The following NDC1 variants were observed in gnomAD, a reference collection of about 807,000 sequenced individuals.
The protein encoded by NDC1 is NDC1 transmembrane nucleoporin.
In NDC1, 24 loss-of-function variants were observed where a neutral mutation model predicts 89.8. The ratio of observed to expected loss-of-function variants is 0.27; its 90% CI spans 0.19 to 0.38. The LOEUF is 0.38. NDC1 is among the 10% of genes least tolerant of loss of function. The pLI is 1.00. For missense variants in NDC1, 728 were observed against 797.6 expected (o/e 0.91, Z 1.05); for synonymous variants, 296 against 284.8 (o/e 1.04, Z -0.39).
Position 53,789,188 on chromosome 1 carries a change from C to T in NDC1, c.1644G>A (p.Glu548=), listed in dbSNP as rs147077553. 2.9e-5 allele frequency: 46 copies of T among 1,606,164 alleles called. No homozygotes were observed. In the African/African-American group the frequency reaches 5.2e-4, roughly 18 times the overall value. ...LIMYFFSKHP[E]ASIQAVFSDA... ...CTGAAAAAACAGCCTGAATGGAGGCCTCTGGGTGCTACAAATAAAAACAAA... is the reference window on the plus strand; with the variant it reads ...CTGAAAAAACAGCCTGAATGGAGGCTTCTGGGTGCTACAAATAAAAACAAA... The change falls in exon 15 of 18, where the codon GAG becomes GAA. Residue 548 remains glutamate (E), a synonymous_variant. Coordinates refer to ENST00000371429, the MANE Select transcript of NDC1 (RefSeq NM_018087.5).
chr1:53,788,064 T>C (rs1023959604), intron 15 of NDC1, among the ~76,000 whole-genome samples: 1 of 152,038 alleles, frequency 6.6e-6, no homozygotes, highest in African/African-American at 2.4e-5. Flanking sequence ...TTTTTTGAAG[T>C]AGAGAAAGAT....
intron 11 of NDC1, among the ~76,000 whole-genome samples, chr1:53,798,551 CT>C (rs377090464): frequency 2.5e-3 from 344 of 138,546 alleles, no homozygotes; most frequent in African/African-American, 5.0e-3. Flanking sequence ...TATGACTTTT[CT>C]TTTTTTTTTT....
intron 10 of NDC1, 105 bp downstream of exon 10, chr1:53,803,823 G>A (rs1225733913): frequency 1.3e-5 from 10 of 795,598 alleles, no homozygotes; most frequent in African/African-American, 8.6e-5. Flanking sequence ...CGCCTGCCTC[G>A]GCCTCCCAAA....
rs1024059684 is a variant in NDC1 at position 53,766,550 on chromosome 1, T to C, written c.*1420A>G. 5 of 152,188 alleles carry C rather than the reference T, an allele frequency of 3.3e-5. No individual in the cohort carries two copies. Among genetic ancestry groups the C allele is most frequent in the African/African-American group, 9.7e-5 (4 of 41,448 alleles). 9.4% of individuals were successfully genotyped at this position (152,188 alleles called of 1,614,324 possible). A position where few individuals can be genotyped will look rare whatever the true frequency, so the allele number is the denominator to read the frequency against. ...GGCAATAGTCTACATATCTAAACACTTGACAATTGGGGAACTGTCCCACAG... is the reference window on the plus strand; with the variant it reads ...GGCAATAGTCTACATATCTAAACACCTGACAATTGGGGAACTGTCCCACAG... On this transcript the variant is annotated 3_prime_UTR_variant, in exon 18 of 18. Transcript: ENST00000371429.
chr1:53,832,924 A>T (rs543188389), intron 2 of NDC1, among the ~76,000 whole-genome samples: 2 of 152,224 alleles, frequency 1.3e-5, no homozygotes, highest in Non-Finnish European at 2.9e-5. Flanking sequence ...AAGTGGGAAG[A>T]TCACTTGAGC....
At chr1:53,786,921 C>G (rs1401645782) in intron 16 of NDC1, among the ~76,000 whole-genome samples, 1 of 152,170 alleles carries the variant, frequency 6.6e-6, no homozygotes, top group African/African-American at 2.4e-5. Context: ...ATCTCAAACT[C>G]TCCACCTCAA....
At position 53,830,350 on chromosome 1, in the gene NDC1, C is replaced by T. The variant is rs556590952; in HGVS notation, c.280+2140G>A. 8.0e-5 allele frequency among the ~76,000 whole-genome samples: 12 copies of T among 149,670 alleles called. No individual in the cohort carries two copies. In the East Asian group the frequency reaches 1.6e-3, roughly 20 times the overall value. ...ACGCCTGTAATCCCAGCTACTCAGGCGGCTGAGGCAGGAGAATTGCTTGCA... is the reference window on the plus strand; with the variant it reads ...ACGCCTGTAATCCCAGCTACTCAGGTGGCTGAGGCAGGAGAATTGCTTGCA... On this transcript the variant is annotated intron_variant, in intron 3 of 17. Transcript: ENST00000371429.
At chr1:53,785,735 G>A (rs1432406763) in intron 16 of NDC1, among the ~76,000 whole-genome samples, 1 of 151,750 alleles carries the variant, frequency 6.6e-6, no homozygotes, top group African/African-American at 2.4e-5. Flanking sequence ...ACCACACCTC[G>A]CTAATTTTTT....
intron 11 of NDC1, among the ~76,000 whole-genome samples, 200 bp from the exon 12 acceptor site, chr1:53,797,344 T>A (rs765358300): frequency 5.9e-5 from 9 of 151,946 alleles, no homozygotes; most frequent in Non-Finnish European, 1.2e-4. Flanking sequence ...TTTATACATC[T>A]TCTTCTGTCA....
At chr1:53,835,320 ACAT>A (rs1175277168) in intron 2 of NDC1, among the ~76,000 whole-genome samples, 177 bp downstream of exon 2, 1 of 152,236 alleles carries the variant, frequency 6.6e-6, no homozygotes, top group Non-Finnish European at 1.5e-5. Flanking sequence ...TAATCTTATT[ACAT>A]AATAAAAAGG....
At chr1:53,836,754 G>A (rs1002831179) in intron 1 of NDC1, among the ~76,000 whole-genome samples, 1 of 151,678 alleles carries the variant, frequency 6.6e-6, no homozygotes, top group Non-Finnish European at 1.5e-5. Flanking sequence ...ACAGGCGTGA[G>A]CCACAGCGCC....
At chr1:53,782,844 C>T (rs911607637) in intron 16 of NDC1, among the ~76,000 whole-genome samples, 1 of 152,222 alleles carries the variant, frequency 6.6e-6, no homozygotes, top group Admixed American at 6.5e-5. Flanking sequence ...AAATATCATT[C>T]ATCTTATCCC....
intron 16 of NDC1, among the ~76,000 whole-genome samples, chr1:53,786,027 C>T (rs1647294719): frequency 6.6e-6 from 1 of 152,088 alleles, no homozygotes; most frequent in African/African-American, 2.4e-5. Context: ...TGGGTTCAAG[C>T]GATTCTCCTG....
chr1:53,785,666 G>A (rs1202591219), intron 16 of NDC1, among the ~76,000 whole-genome samples: 1 of 151,930 alleles, frequency 6.6e-6, no homozygotes, highest in Non-Finnish European at 1.5e-5. Flanking sequence ...TCTACCTCCC[G>A]GGTTCAAGCG....
chr1:53,782,658 G>A (rs1002307737), intron 16 of NDC1, among the ~76,000 whole-genome samples: 1 of 152,090 alleles, frequency 6.6e-6, no homozygotes, highest in Non-Finnish European at 1.5e-5. Flanking sequence ...AAAATTCAGG[G>A]GGTACAAACT....
chr1:53,805,352 T>C lies in NDC1; in HGVS notation c.984+1073A>G, dbSNP rs530523656. On this transcript the variant is annotated intron_variant, in intron 9 of 17. Transcript: ENST00000371429. ...TCAAGTAGCTGGGACCACAGGCATG[T>C]GCCACCATGCCATTCAACTAATTTT... Among the ~76,000 whole-genome samples the C allele has an allele frequency of 3.1e-3, 466 of 152,176 alleles. 4 individuals carry two copies. The highest frequency in any genetic ancestry group is 0.01 in the African/African-American group (433 of 41,516).
rs958213839 is a variant in NDC1 at position 53,822,810 on chromosome 1, T to C, written c.594+2988A>G. On this transcript the variant is annotated intron_variant, in intron 5 of 17. Transcript: ENST00000371429. ...TAAATAATGATGATAATGATAATGGTTGTTATTGCTTATAAAATTCTTTAA... is the reference window on the plus strand; with the variant it reads ...TAAATAATGATGATAATGATAATGGCTGTTATTGCTTATAAAATTCTTTAA... Among the ~76,000 whole-genome samples, 9 of 152,182 alleles carry C rather than the reference T, an allele frequency of 5.9e-5. 1 individual carries two copies. Among genetic ancestry groups the C allele is most frequent in the African/African-American group, 1.9e-4 (8 of 41,526 alleles).
intron 16 of NDC1, among the ~76,000 whole-genome samples, chr1:53,782,197 C>T (rs1647216103): frequency 6.6e-6 from 1 of 152,056 alleles, no homozygotes; most frequent in South Asian, 2.1e-4. Flanking sequence ...GAGGCAGAGA[C>T]TGAATAGTCT....
chr1:53,814,197 C>T (rs1648403038), intron 6 of NDC1, among the ~76,000 whole-genome samples: 1 of 151,920 alleles, frequency 6.6e-6, no homozygotes, highest in African/African-American at 2.4e-5. Flanking sequence ...ACTAAAAATA[C>T]AAAAAAATGT....
Sources: allele counts gnomAD v4.1 joint callset (sites outside exome capture counted in the v4.1 genomes callset), GRCh38; gene constraint gnomAD v4.1.1; transcripts MANE v1.5; gene names NCBI Gene and HGNC (gene_info 2026-07-23, HGNC 2026-07-21).